The following GALNT17 variants were observed in gnomAD, a reference collection of about 807,000 sequenced individuals.
The protein encoded by GALNT17 is polypeptide N-acetylgalactosaminyltransferase 17.
GALNT17 carries 29 observed loss-of-function variants against 63.7 expected under a neutral mutation model. That is an observed-to-expected ratio of 0.46 (90% CI 0.34 to 0.62). The LOEUF is 0.62. Among genes scored for constraint, GALNT17 ranks in the 20% least tolerant of loss-of-function variants. GALNT17 has a pLI of 0.01. For synonymous variants in GALNT17, 305 were observed against 318.3 expected (o/e 0.96, Z 0.45); for missense variants, 603 against 799.6 (o/e 0.75, Z 2.97).
At chr7:71,515,684 G>A (rs1280530228) in intron 5 of GALNT17, among the ~76,000 whole-genome samples, 3 of 152,150 alleles carry the variant, frequency 2.0e-5, no homozygotes, top group African/African-American at 7.2e-5. Context: ...TCCTCATTCA[G>A]ATAATTGAGG....
chr7:71,564,850 C>A (rs1789314481), intron 5 of GALNT17, among the ~76,000 whole-genome samples: 1 of 152,180 alleles, frequency 6.6e-6, no homozygotes, highest in Non-Finnish European at 1.5e-5. Context: ...AGAACCCTGT[C>A]ATGTGTGCTG....
Position 71,591,322 on chromosome 7 carries a change from C to T in GALNT17, c.1080+19920C>T, listed in dbSNP as rs529785459. 2.6e-5 allele frequency among the ~76,000 whole-genome samples: 4 copies of T among 152,312 alleles called. No individual in the cohort carries two copies. The South Asian group carries it at 6.2e-4, about 24-fold the overall frequency. On this transcript the variant is annotated intron_variant, in intron 6 of 10. Transcript: ENST00000333538. ...CTGCCCACCTCAGCCTCCCAGAGTG[C>T]TGGGATTACAGGCGTGAGCCACCAC...
At chr7:71,171,044 A>G (rs1259177259) in intron 1 of GALNT17, among the ~76,000 whole-genome samples, 1 of 152,154 alleles carries the variant, frequency 6.6e-6, no homozygotes, top group Non-Finnish European at 1.5e-5. Flanking sequence ...AGTTTGAGGA[A>G]GAAACAGGAC....
chr7:71,227,867 A>G (rs1789710507), intron 1 of GALNT17, among the ~76,000 whole-genome samples: 1 of 152,120 alleles, frequency 6.6e-6, no homozygotes, highest in Admixed American at 6.5e-5. Flanking sequence ...GGGTTGAGGA[A>G]GAGACACAGG....
At chr7:71,306,476 A>G (rs1271276774) in intron 1 of GALNT17, among the ~76,000 whole-genome samples, 1 of 151,980 alleles carries the variant, frequency 6.6e-6, no homozygotes, top group African/African-American at 2.4e-5. Context: ...TTTAAGTGAA[A>G]TCATACAGTA....
chr7:71,158,863 C>T (rs1449467120), intron 1 of GALNT17, among the ~76,000 whole-genome samples: 3 of 151,868 alleles, frequency 2.0e-5, no homozygotes, highest in Non-Finnish European at 4.4e-5. Flanking sequence ...GCGTGAGCCA[C>T]CACGCCCGGC....
At chr7:71,416,102 G>A (rs753507030) in intron 4 of GALNT17, 39 bp downstream of exon 4, 1 of 1,569,382 alleles carries the variant, frequency 6.4e-7, no homozygotes, top group South Asian at 1.2e-5. Flanking sequence ...CTCAAGACCT[G>A]CATTGTGGTT....
At chr7:71,409,012 AC>A (rs1793382212) in intron 3 of GALNT17, among the ~76,000 whole-genome samples, 3 of 104,702 alleles carry the variant, frequency 2.9e-5, no homozygotes, top group Non-Finnish European at 5.6e-5. Context: ...ATATGCACAT[AC>A]ACAAACACAC....
At chr7:71,163,146 A>C (rs1187861576) in intron 1 of GALNT17, among the ~76,000 whole-genome samples, 3 of 152,238 alleles carry the variant, frequency 2.0e-5, no homozygotes, top group Admixed American at 6.5e-5. Flanking sequence ...AGAGTAGTTA[A>C]GAATGACTTC....
intron 2 of GALNT17, among the ~76,000 whole-genome samples, chr7:71,344,763 A>G (rs146329335): frequency 1.4e-3 from 217 of 152,280 alleles, no homozygotes; most frequent in African/African-American, 4.9e-3. Context: ...CTTTTATACA[A>G]TTGTTTTCCT....
chr7:71,674,557 C>G (rs1046008502), intron 8 of GALNT17, among the ~76,000 whole-genome samples: 3 of 151,972 alleles, frequency 2.0e-5, no homozygotes, highest in African/African-American at 7.3e-5. Flanking sequence ...GCTCTGTCAC[C>G]CAAGATGGAA....
At chr7:71,224,205 G>C (rs1343334674) in intron 1 of GALNT17, among the ~76,000 whole-genome samples, 1 of 152,010 alleles carries the variant, frequency 6.6e-6, no homozygotes, top group African/African-American at 2.4e-5. Context: ...ATGCCACCAT[G>C]CCTGGCTAAC....
At chr7:71,150,102 C>T (rs1004158550) in intron 1 of GALNT17, among the ~76,000 whole-genome samples, 5 of 152,094 alleles carry the variant, frequency 3.3e-5, no homozygotes, top group African/African-American at 1.2e-4. Context: ...CCTTTGATTC[C>T]AGGGCACCCT....
intron 1 of GALNT17, among the ~76,000 whole-genome samples, chr7:71,289,158 A>G (rs139868581): frequency 2.0e-5 from 3 of 149,404 alleles, no homozygotes; most frequent in East Asian, 3.9e-4. Flanking sequence ...AAACTGGAGC[A>G]TGTGTTTAAG....
chr7:71,422,289 G>C (rs1786680506), intron 5 of GALNT17, among the ~76,000 whole-genome samples: 1 of 152,096 alleles, frequency 6.6e-6, no homozygotes, highest in South Asian at 2.1e-4. Flanking sequence ...TTCATCACGT[G>C]ACCTTTTCCT....
chr7:71,163,902 C>G (rs935775365), intron 1 of GALNT17, among the ~76,000 whole-genome samples: 1 of 152,170 alleles, frequency 6.6e-6, no homozygotes, highest in African/African-American at 2.4e-5. Flanking sequence ...CTCATAGTAT[C>G]CATTACTGCT....
intron 1 of GALNT17, among the ~76,000 whole-genome samples, chr7:71,181,951 G>A (rs1271998765): frequency 2.6e-5 from 4 of 152,126 alleles, no homozygotes; most frequent in African/African-American, 7.2e-5. Context: ...CAAGGCGGGC[G>A]GATCACCGGA....
chr7:71,167,303 G>A (rs1788461317), intron 1 of GALNT17, among the ~76,000 whole-genome samples: 2 of 152,156 alleles, frequency 1.3e-5, no homozygotes, highest in Admixed American at 6.5e-5. Context: ...TTTAATGTGT[G>A]TAGTGATAGC....
intron 1 of GALNT17, among the ~76,000 whole-genome samples, chr7:71,147,650 T>C (rs765997379): frequency 6.6e-6 from 1 of 151,954 alleles, no homozygotes; most frequent in African/African-American, 2.4e-5. Context: ...CTTTTTTTTT[T>C]AGACGGAGTC....
Sources: gnomAD v4.1 joint callset for allele counts (sites outside exome capture counted in the v4.1 genomes callset) on GRCh38, gnomAD v4.1.1 for gene constraint, MANE v1.5 for transcripts, NCBI Gene and HGNC (gene_info 2026-07-23, HGNC 2026-07-21) for gene names.